PDE1C: variants seen among roughly 807,000 people sequenced by gnomAD.
PDE1C encodes the protein dual specificity calcium/calmodulin-dependent 3',5'-cyclic nucleotide phosphodiesterase 1C.
Under a neutral mutation model 93.1 loss-of-function variants are expected in PDE1C, and 62 were observed. The ratio of observed to expected loss-of-function variants is 0.67; its 90% confidence interval spans 0.54 to 0.82. The LOEUF (loss-of-function observed/expected upper bound fraction) is 0.82. Ranked by LOEUF, PDE1C falls within the 40% of genes least tolerant of loss-of-function variation. The probability of loss-of-function intolerance (pLI) is 0.00; values close to 1 mark genes in which losing one functional copy is unlikely to be tolerated. For missense variants in PDE1C, 742 were observed against 884.6 expected, an observed-to-expected ratio of 0.84 and a Z score of 2.04; for synonymous variants, 325 against 310.1, an observed-to-expected ratio of 1.05 and a Z score of -0.50.
chr7:32,323,194 T>A (rs923867941), intron 1 of PDE1C, among the ~76,000 whole-genome samples: 5 of 152,200 alleles, frequency 3.3e-5, no homozygotes, highest in Non-Finnish European at 7.3e-5. Context: ...TTACAAAGAA[T>A]GTTGTGCTGG....
chr7:31,844,949 T>G (rs1448782847), intron 9 of PDE1C, among the ~76,000 whole-genome samples: 1 of 152,162 alleles, frequency 6.6e-6, no homozygotes, highest in Non-Finnish European at 1.5e-5. Context: ...TAAGCCTATG[T>G]AGCAAATTCT....
At chr7:31,902,903 A>G (rs755152573) in intron 2 of PDE1C, among the ~76,000 whole-genome samples, 7 of 151,770 alleles carry the variant, frequency 4.6e-5, no homozygotes, top group Admixed American at 2.0e-4. Flanking sequence ...TAGAGTCTAC[A>G]TAATAGATCT....
intron 3 of PDE1C, among the ~76,000 whole-genome samples, chr7:32,092,841 ATC>A (rs1188901328): frequency 2.6e-5 from 4 of 152,132 alleles, no homozygotes; most frequent in African/African-American, 9.7e-5. Context: ...GTCTTGCTGA[ATC>A]TACACAACTT....
intron 17 of PDE1C, among the ~76,000 whole-genome samples, chr7:31,756,832 C>T (rs1280355109): frequency 6.6e-6 from 1 of 152,210 alleles, no homozygotes; most frequent in East Asian, 1.9e-4. Context: ...TGCAAGGAAA[C>T]AGAGCCAGTT....
At position 32,030,078 on chromosome 7, in the gene PDE1C, AACACACACACACAC is replaced by A. The variant is rs376919544; in HGVS notation, c.128+21462_128+21475del. ...CAAGTTGCTGAAAAATGCATATTAT[AACACACACACACAC>A]ACACACACACACACACACACACACA... On this transcript the variant is annotated intron_variant, in intron 2 of 17. Coordinates refer to ENST00000396191, the MANE Select transcript of PDE1C (RefSeq NM_001191057.4). Among the ~76,000 whole-genome samples the A allele has an allele frequency of 7.6e-3, 1,017 of 134,082 alleles. 22 individuals carry two copies. Among genetic ancestry groups the A allele is most frequent in the African/African-American group, 0.025 (921 of 36,142 alleles). The allele number at this position is 134,082 out of a possible 152,430, so 88.0% of individuals were successfully genotyped here. A position where few individuals can be genotyped will look rare whatever the true frequency, so the allele number is the denominator to read the frequency against.
chr7:32,344,758 G>C (rs1244602966), intron 1 of PDE1C, among the ~76,000 whole-genome samples: 1 of 151,576 alleles, frequency 6.6e-6, no homozygotes, highest in Non-Finnish European at 1.5e-5. Context: ...TGTATTGTCT[G>C]TCTTCCTCTC....
intron 8 of PDE1C, among the ~76,000 whole-genome samples, chr7:31,850,055 G>A (rs1466854212): frequency 6.6e-6 from 1 of 152,036 alleles, no homozygotes; most frequent in Non-Finnish European, 1.5e-5. Context: ...GGAGGTTTGT[G>A]ATTACCTGTG....
rs1362188918 is a variant in PDE1C at position 31,868,586 on chromosome 7, C to T, written c.610-3504G>A. Among the ~76,000 whole-genome samples, 4 of 151,876 alleles carry T rather than the reference C, an allele frequency of 2.6e-5. No individual in the cohort carries two copies. The East Asian group carries it at 7.7e-4, about 29-fold the overall frequency. ...ACCAAATATTTGCATTTTCAGGGTC[C>T]CCAAAAGCAAAGAGGAAACAAAAGA... is the stretch of plus-strand genomic sequence containing the variant. On this transcript the variant is annotated intron_variant, in intron 6 of 17. Coordinates refer to ENST00000396191, the MANE Select transcript of PDE1C (RefSeq NM_001191057.4).
At chr7:32,334,160 C>A (rs1047707486) in intron 1 of PDE1C, among the ~76,000 whole-genome samples, 4 of 152,066 alleles carry the variant, frequency 2.6e-5, no homozygotes, top group African/African-American at 9.7e-5. Context: ...GATCAAATTT[C>A]TTTCAGTAAA....
chr7:32,074,422 G>A (rs1232005659), upstream of PDE1C, among the ~76,000 whole-genome samples: 7 of 152,176 alleles, frequency 4.6e-5, no homozygotes, highest in Non-Finnish European at 8.8e-5. Flanking sequence ...CTTTAGCATA[G>A]TTTAATTATG....
chr7:31,639,986 G>A, the PDE1C span, among the ~76,000 whole-genome samples: 24,248 of 151,978 alleles, frequency 0.16, 2,371 homozygotes, highest in Non-Finnish European at 0.2. Flanking sequence ...TTTAATATAT[G>A]CCACACATTT....
In PDE1C at chr7:31,752,184, CA is replaced by C. The variant is rs1794174295; in HGVS notation, c.*1199del. The C allele has an allele frequency of 6.6e-6, 1 of 152,158 alleles. No individual in the cohort carries two copies. Among genetic ancestry groups the C allele is most frequent in the Non-Finnish European group, 1.5e-5 (1 of 68,028 alleles). 9.4% of individuals were successfully genotyped at this position (152,158 alleles called of 1,614,324 possible). A position where few individuals can be genotyped will look rare whatever the true frequency, so the allele number is the denominator to read the frequency against. ...GATGAAGATCAGACTGGCCTGAAAA[CA>C]AACCTAGTTTTCTCACTGCACCAGG... On this transcript the variant is annotated 3_prime_UTR_variant, in exon 18 of 18. Coordinates refer to ENST00000396191, the MANE Select transcript of PDE1C (RefSeq NM_001191057.4).
the PDE1C span, among the ~76,000 whole-genome samples, chr7:31,705,986 ATTTTTTTTTTTTTTTTTTT>A: frequency 3.2e-4 from 17 of 52,514 alleles, no homozygotes; most frequent in South Asian, 1.7e-3. Context: ...CAGACCAGTA[ATTTTTTTTTTTTTTTTTTT>A]TTTTTTTTTT....
chr7:31,748,619 A>C (rs547185118), downstream of PDE1C, among the ~76,000 whole-genome samples: 2 of 152,366 alleles, frequency 1.3e-5, no homozygotes, highest in South Asian at 2.1e-4. Flanking sequence ...AAGTATAATG[A>C]ATACTCATAA....
At chr7:32,423,406 A>C (rs189189021) in intron 1 of PDE1C, among the ~76,000 whole-genome samples, 3 of 152,250 alleles carry the variant, frequency 2.0e-5, no homozygotes, top group Admixed American at 2.0e-4. Flanking sequence ...AAAAAGAAGA[A>C]ATGCAACTCT....
At chr7:32,265,852 C>A (rs747969355) in intron 1 of PDE1C, among the ~76,000 whole-genome samples, 1 of 152,112 alleles carries the variant, frequency 6.6e-6, no homozygotes, top group Non-Finnish European at 1.5e-5. Context: ...GGGAAGGCTG[C>A]ATGAAAGAGG....
chr7:31,862,876 C>T (rs1321382713), intron 7 of PDE1C, among the ~76,000 whole-genome samples: 1 of 152,170 alleles, frequency 6.6e-6, no homozygotes. Flanking sequence ...AGCACATGCT[C>T]AGCTTCAGTA....
intron 3 of PDE1C, among the ~76,000 whole-genome samples, chr7:32,141,211 A>T (rs1800501795): frequency 6.6e-6 from 1 of 152,210 alleles, no homozygotes; most frequent in Non-Finnish European, 1.5e-5. Flanking sequence ...TATGGAAAGG[A>T]CATATAGTCC....
At chr7:32,308,207 C>T (rs1234058703) in intron 1 of PDE1C, among the ~76,000 whole-genome samples, 1 of 152,228 alleles carries the variant, frequency 6.6e-6, no homozygotes, top group Non-Finnish European at 1.5e-5. Flanking sequence ...ATTGCCCAGG[C>T]TTGATTAGGT....
Sources: allele counts gnomAD v4.1 joint callset (sites outside exome capture counted in the v4.1 genomes callset), GRCh38; gene constraint gnomAD v4.1.1; transcripts MANE v1.5; gene names NCBI Gene and HGNC (gene_info 2026-07-23, HGNC 2026-07-21).